GCN1: variants seen among roughly 807,000 people sequenced by gnomAD.
GCN1 encodes the protein GCN1 activator of EIF2AK4, also known as stalled ribosome sensor GCN1.
A neutral mutation model predicts 288.4 loss-of-function variants in GCN1; 90 were observed. That is an observed-to-expected ratio of 0.31 (90% CI 0.26 to 0.37). The LOEUF is 0.37. GCN1 is among the 10% of genes least tolerant of loss of function. GCN1 has a pLI of 1.00. For missense variants in GCN1, 2,586 were observed against 3,419.9 expected (o/e 0.76, Z 6.08); for synonymous variants, 1,386 against 1,420.2 (o/e 0.98, Z 0.54).
chr12:120,130,846 A>G (rs966276085), intron 55 of GCN1, 93 bp from the exon 56 acceptor site: 8 of 729,946 alleles, frequency 1.1e-5, no homozygotes, highest in Non-Finnish European at 1.6e-5. Flanking sequence ...AGGACCCTCC[A>G]CTACATCACC....
At position 120,142,633 on chromosome 12, in the gene GCN1, C is replaced by T; in HGVS notation, c.5703G>A (p.Arg1901=). 2.5e-6 allele frequency: 4 copies of T among 1,614,000 alleles called. No homozygotes were observed. The highest frequency in any genetic ancestry group is 3.4e-6 in the Non-Finnish European group (4 of 1,179,990). The change falls in exon 44 of 58, where the codon CGG becomes CGA. Residue 1901 remains arginine (R), a synonymous_variant. Transcript: ENST00000300648. The surrounding 1 kb of genome is among the most constrained non-coding windows in gnomAD (Gnocchi z 4.9). ...MGRSDTQLVV[R]QASLHVWKIV... is the part of the protein sequence containing the mutation. ...TCTTCCAGACATGCAGGGACGCCTG[C>T]CGCACCACCAGCTGGGTGTCTGAGC... is the stretch of plus-strand genomic sequence containing the variant.
intron 14 of GCN1, among the ~76,000 whole-genome samples, chr12:120,172,825 T>C (rs575230922): frequency 8.5e-5 from 13 of 152,178 alleles, no homozygotes; most frequent in Non-Finnish European, 1.8e-4. Flanking sequence ...CTTCTTTAAA[T>C]ACAGTTCATA....
intron 9 of GCN1, among the ~76,000 whole-genome samples, chr12:120,176,695 C>T (rs1255545361): frequency 6.6e-6 from 1 of 152,156 alleles, no homozygotes; most frequent in Non-Finnish European, 1.5e-5. Flanking sequence ...GTTCTTGAAC[C>T]CCTAAAATTA....
In GCN1 at chr12:120,170,414, C is replaced by A. The variant is rs1272561687; in HGVS notation, c.1367-93G>T. Reference sequence around the variant, plus strand: ...TTTATCTAACCAGCTGTGAACCAGACGACTAAAACCCTTCAGTTAATTTTT... The same window carrying A: ...TTTATCTAACCAGCTGTGAACCAGAAGACTAAAACCCTTCAGTTAATTTTT... On this transcript the variant is annotated intron_variant, in intron 14 of 57. Coordinates refer to ENST00000300648, the MANE Select transcript of GCN1 (RefSeq NM_006836.2). The A allele has an allele frequency of 3.7e-6, 4 of 1,073,290 alleles. No individual in the cohort carries two copies. The African/African-American group carries it at 6.4e-5, about 17-fold the overall frequency. The allele number at this position is 1,073,290 out of a possible 1,614,324, so 66.5% of individuals were successfully genotyped here.
chr12:120,153,204 G>A lies in GCN1; in HGVS notation c.4062+9C>T, dbSNP rs1358715450. On this transcript the variant is annotated intron_variant, in intron 33 of 57. Transcript: ENST00000300648. The surrounding 1 kb of genome is among the most constrained non-coding windows in gnomAD (Gnocchi z 4.4). ...CCGACATGTGGGTCCCAGGCCAGAT[G>A]GCAGGTACCTGCTGGGAGGGGGTGG... The A allele has an allele frequency of 1.2e-6, 2 of 1,612,368 alleles. No individual in the cohort carries two copies. Among genetic ancestry groups the A allele is most frequent in the South Asian group, 1.1e-5 (1 of 91,046 alleles).
At chr12:120,177,827 T>C in intron 7 of GCN1, 75 bp from the exon 8 acceptor site, 2 of 1,045,602 alleles carry the variant, frequency 1.9e-6, no homozygotes, top group South Asian at 1.3e-5. Flanking sequence ...GTCCCTCTTG[T>C]GAGAGTGCCT....
chr12:120,168,168 T>C, intron 16 of GCN1, 40 bp downstream of exon 16: 1 of 1,170,084 alleles, frequency 8.5e-7, no homozygotes, highest in Non-Finnish European at 1.3e-6. Flanking sequence ...AAAGAGACTT[T>C]GCCTCAATCC....
rs1302202232 is a variant in GCN1 at position 120,168,296 on chromosome 12, G to A, written c.1524C>T (p.Ala508=). The A allele has an allele frequency of 6.3e-7, 1 of 1,594,964 alleles. No individual in the cohort carries two copies. The highest frequency in any genetic ancestry group is 8.6e-7 in the Non-Finnish European group (1 of 1,162,570). ...TCAACTGCCAGAAACTGCTCAGTTT[G>A]GCCTCTGCAAGAAACAAAAGGTTAC... is the stretch of plus-strand genomic sequence containing the variant. ...KLSVADSQAE[A]KLSSFWQLIV... The change falls in exon 16 of 58, where the codon GCC becomes GCT. Residue 508 remains alanine (A), a synonymous_variant. Coordinates refer to ENST00000300648, the MANE Select transcript of GCN1 (RefSeq NM_006836.2).
intron 14 of GCN1, among the ~76,000 whole-genome samples, chr12:120,170,638 G>A (rs949767478): frequency 9.2e-5 from 14 of 151,688 alleles, no homozygotes; most frequent in African/African-American, 2.9e-4. Context: ...GAGAAACCCC[G>A]TCTCTATTAA....
chr12:120,144,332 G>A lies in GCN1; in HGVS notation c.5469C>T (p.Gly1823=). 7.4e-6 allele frequency: 12 copies of A among 1,614,210 alleles called. No individual in the cohort carries two copies. The highest frequency in any genetic ancestry group is 1.0e-5 in the Non-Finnish European group (12 of 1,180,018). Residue 1823 remains glycine, a synonymous_variant, in exon 42 of 58, where the codon GGC becomes GGT. Transcript: ENST00000300648. The surrounding 1 kb of genome is among the most constrained non-coding windows in gnomAD (Gnocchi z 4.7). Reference sequence around the variant, plus strand: ...TGATTCTCCAAAGGTCATCAAAGAGGCCTTGCTCTAGCTGGGGCAGCAGCA... The same window carrying A: ...TGATTCTCCAAAGGTCATCAAAGAGACCTTGCTCTAGCTGGGGCAGCAGCA... ...IALLLPQLEQ[G]LFDDLWRIRF...
intron 20 of GCN1, among the ~76,000 whole-genome samples, 167 bp downstream of exon 20, chr12:120,162,680 T>C (rs917921746): frequency 6.6e-6 from 1 of 152,312 alleles, no homozygotes. Context: ...AGGCAGTAAG[T>C]TCCCTTTTGT....
chr12:120,151,064 G>T (rs771618749), intron 34 of GCN1, 81 bp downstream of exon 34: 22 of 1,495,078 alleles, frequency 1.5e-5, no homozygotes, highest in Non-Finnish European at 2.0e-5. Context: ...TCCACCTGGG[G>T]CGCCACGGTC....
chr12:120,149,803 A>G (rs1877481493), intron 35 of GCN1, 83 bp from the exon 36 acceptor site: 3 of 1,530,504 alleles, frequency 2.0e-6, no homozygotes, highest in East Asian at 4.5e-5. Flanking sequence ...CGTTCCTCCT[A>G]TAACCAACGC....
At chr12:120,187,359 G>A (rs189385660) in intron 2 of GCN1, among the ~76,000 whole-genome samples, 5 of 151,770 alleles carry the variant, frequency 3.3e-5, no homozygotes, top group Admixed American at 1.3e-4. Flanking sequence ...GATTACAGGT[G>A]CCCACCACCA....
rs1171494851 is a variant in GCN1, at chr12:120,190,337, C to T, written c.82G>A (p.Glu28Lys). ...CACTTCCCAAGTTCACTGAGGATTT[C>T]TCTCCGTTCCTTTACACTGGCTGTT... is the stretch of plus-strand genomic sequence containing the variant. ...VTTASVKERR[E>K]ILSELGKCVA... is the part of the protein sequence containing the mutation. The change falls in exon 2 of 58, where the codon GAA (glutamate) becomes AAA (lysine). Residue 28 changes from glutamate to lysine, a missense_variant. Coordinates refer to ENST00000300648, the MANE Select transcript of GCN1 (RefSeq NM_006836.2). The T allele has an allele frequency of 1.2e-6, 2 of 1,609,238 alleles. No homozygotes were observed. Among genetic ancestry groups the T allele is most frequent in the Non-Finnish European group, 1.7e-6 (2 of 1,175,718 alleles).
chr12:120,172,279 G>A (rs183556008), intron 14 of GCN1, among the ~76,000 whole-genome samples: 9 of 152,306 alleles, frequency 5.9e-5, no homozygotes, highest in Non-Finnish European at 1.2e-4. Context: ...AGCACTACCT[G>A]TGGTTTGAAT....
At position 120,137,209 on chromosome 12, in the gene GCN1, C is replaced by A. The variant is rs747710047; in HGVS notation, c.6774G>T (p.Lys2258Asn). 3 of 1,612,854 alleles carry A rather than the reference C, an allele frequency of 1.9e-6. No homozygotes were observed. The highest frequency in any genetic ancestry group is 8.5e-7 in the Non-Finnish European group (1 of 1,178,874). The change falls in exon 50 of 58, where the codon AAG becomes AAT. Residue 2258 changes from lysine to asparagine, a missense_variant. Coordinates refer to ENST00000300648, the MANE Select transcript of GCN1 (RefSeq NM_006836.2). The surrounding 1 kb of genome is among the most constrained non-coding windows in gnomAD (Gnocchi z 5.2). ...GEHVPGFCLP[K>N]KGVTSILPVL... The stretch of plus-strand genomic sequence containing the variant: ...CCTGCACGAGGCCCTGGCTTACCTT[C>A]TTCGGGAGGCAGAATCCTGGCACAT...
intron 22 of GCN1, 124 bp downstream of exon 22, chr12:120,161,366 C>T: frequency 1.4e-6 from 1 of 691,026 alleles, no homozygotes; most frequent in Admixed American, 2.2e-5. Flanking sequence ...TCAGGGGCAT[C>T]AGAGGAGTGT....
At chr12:120,135,057 T>A (rs978230753) in intron 51 of GCN1, among the ~76,000 whole-genome samples, 1 of 152,154 alleles carries the variant, frequency 6.6e-6, no homozygotes, top group Admixed American at 6.5e-5. Flanking sequence ...CAAATCCTCC[T>A]CTGAATACAT....
Sources: allele counts gnomAD v4.1 joint callset (sites outside exome capture counted in the v4.1 genomes callset), GRCh38; gene constraint gnomAD v4.1.1; non-coding constraint Gnocchi (gnomAD v3.1); transcripts MANE v1.5; gene names NCBI Gene and HGNC (gene_info 2026-07-23, HGNC 2026-07-21).